Variants in CCDC196 observed in about 807,000 individuals in gnomAD.
CCDC196 encodes the protein coiled-coil domain containing 196.
intron 8 of CCDC196, chr14:66,493,646 C>T (rs1364365732): frequency 6.6e-6 from 1 of 152,150 alleles, no homozygotes; most frequent in Admixed American, 6.5e-5. Context: ...TGATTTGATT[C>T]AGGTACATAA....
At chr14:66,490,632 C>G (rs2139590126) in intron 4 of CCDC196, 110 bp from the exon 5 acceptor site, 1 of 397,206 alleles carries the variant, frequency 2.5e-6, no homozygotes, top group East Asian at 3.6e-5. Flanking sequence ...TCATGCCAGG[C>G]CCTGAGAAGC....
intron 8 of CCDC196, 62 bp from the exon 9 acceptor site, chr14:66,498,046 TA>T (rs1192954480): frequency 2.5e-6 from 1 of 400,332 alleles, no homozygotes; most frequent in Non-Finnish European, 4.5e-6. Context: ...AAAACAAAAC[TA>T]GTGGTTTTTT....
rs1310750642 is a variant in CCDC196 at position 66,486,495 on chromosome 14, C to G, written c.-8C>G. 4.9e-6 allele frequency: 2 copies of G among 411,434 alleles called. No homozygotes were observed. Among genetic ancestry groups the G allele is most frequent in the African/African-American group, 2.1e-5 (1 of 48,586 alleles). 25.5% of individuals were successfully genotyped at this position (411,434 alleles called of 1,614,324 possible). On this transcript the variant is annotated 5_prime_UTR_variant, in exon 1 of 10. Coordinates refer to ENST00000636229, the MANE Select transcript of CCDC196 (RefSeq NM_001351576.1). Reference sequence around the variant, plus strand: ...AGGCCTCTTTATTCTTAGAAGTTACCCTTCAAGATGACAAGTGGTGCAAAC... The same window carrying G: ...AGGCCTCTTTATTCTTAGAAGTTACGCTTCAAGATGACAAGTGGTGCAAAC...
intron 2 of CCDC196, among the ~76,000 whole-genome samples, chr14:66,487,030 G>A (rs896743650): frequency 1.3e-5 from 2 of 151,872 alleles, no homozygotes; most frequent in African/African-American, 4.8e-5. Context: ...CATTTCGTGG[G>A]GCTAGTTATA....
chr14:66,496,911 G>A (rs971706916), intron 8 of CCDC196: 5 of 152,440 alleles, frequency 3.3e-5, no homozygotes, highest in Admixed American at 6.5e-5. Flanking sequence ...AAAGCCCAGC[G>A]AAATGGGAAA....
chr14:66,492,388 T>A (rs1399321610), intron 8 of CCDC196, among the ~76,000 whole-genome samples, 194 bp downstream of exon 8: 3 of 150,242 alleles, frequency 2.0e-5, no homozygotes, highest in African/African-American at 7.4e-5. Flanking sequence ...CAGGCTGGAG[T>A]GCAGTGGTGC....
intron 4 of CCDC196, among the ~76,000 whole-genome samples, chr14:66,489,633 C>A (rs534749456): frequency 6.6e-6 from 1 of 152,158 alleles, no homozygotes; most frequent in African/African-American, 2.4e-5. Flanking sequence ...CCTGCCTCCT[C>A]CTGTATCTTC....
intron 4 of CCDC196, 150 bp downstream of exon 4, chr14:66,489,187 A>G (rs2057480305): frequency 2.5e-6 from 1 of 406,298 alleles, no homozygotes; most frequent in Non-Finnish European, 4.5e-6. Context: ...AGCCAAGGTG[A>G]TCTTTTTAAA....
chr14:66,493,515 C>A (rs1192174739), intron 8 of CCDC196, among the ~76,000 whole-genome samples: 3 of 152,156 alleles, frequency 2.0e-5, no homozygotes, highest in Non-Finnish European at 4.4e-5. Context: ...ATGTCTTCAA[C>A]AATATTTCAA....
At chr14:66,487,854 C>G (rs1317033703) in intron 2 of CCDC196, among the ~76,000 whole-genome samples, 1 of 152,114 alleles carries the variant, frequency 6.6e-6, no homozygotes, top group African/African-American at 2.4e-5. Context: ...CCTTCTTCTC[C>G]CAAAAGTCAC....
At chr14:66,494,778 C>A (rs1475022279) in intron 8 of CCDC196, 1 of 152,138 alleles carries the variant, frequency 6.6e-6, no homozygotes, top group Non-Finnish European at 1.5e-5. Flanking sequence ...GTAATCCCAG[C>A]ACTTTGGGAG....
Position 66,498,415 on chromosome 14 carries a change from T to C in CCDC196, c.837T>C (p.Asn279=), listed in dbSNP as rs931114983. The change falls in exon 10 of 10, where the codon AAT becomes AAC. Residue 279 remains asparagine, a synonymous_variant. Transcript: ENST00000636229. ...QQGTKGSQLD[N]TGGRLFFLRS... is the part of the protein sequence containing the mutation. Reference sequence around the variant, plus strand: ...GAACTAAAGGAAGTCAGCTTGATAATACAGGAGGGAGACTCTTTTTTCTGA... The same window carrying C: ...GAACTAAAGGAAGTCAGCTTGATAACACAGGAGGGAGACTCTTTTTTCTGA... 2.9e-5 allele frequency: 12 copies of C among 413,376 alleles called. No individual in the cohort carries two copies. The highest frequency in any genetic ancestry group is 5.3e-5 in the Non-Finnish European group (12 of 225,880). 25.6% of individuals were successfully genotyped at this position (413,376 alleles called of 1,614,324 possible).
At chr14:66,491,817 A>G (rs1379856914) in intron 7 of CCDC196, 132 bp downstream of exon 7, 1 of 411,662 alleles carries the variant, frequency 2.4e-6, no homozygotes, top group Non-Finnish European at 4.4e-6. Context: ...CAAATGTATC[A>G]TAGAAAGATA....
At chr14:66,491,557 C>T (rs2057536546) in intron 6 of CCDC196, 69 bp from the exon 7 acceptor site, 3 of 413,038 alleles carry the variant, frequency 7.3e-6, no homozygotes, top group Non-Finnish European at 8.8e-6. Flanking sequence ...AAGGCTTTTG[C>T]AGCATATTGA....
At chr14:66,490,651 G>T in intron 4 of CCDC196, 91 bp from the exon 5 acceptor site, 1 of 397,828 alleles carries the variant, frequency 2.5e-6, no homozygotes, top group Non-Finnish European at 4.4e-6. Context: ...GCTGCTGACT[G>T]GCAGGAACCA....
intron 8 of CCDC196, chr14:66,493,653 A>G (rs1288025750): frequency 1.3e-5 from 2 of 152,248 alleles, no homozygotes; most frequent in Non-Finnish European, 2.9e-5. Flanking sequence ...ATTCAGGTAC[A>G]TAAGACTCTC....
intron 8 of CCDC196, among the ~76,000 whole-genome samples, chr14:66,495,954 A>C (rs570558695): frequency 4.7e-4 from 72 of 152,320 alleles, no homozygotes; most frequent in African/African-American, 1.7e-3. Context: ...ATTTCAAAAA[A>C]CAGTCACTGC....
chr14:66,496,520 C>A lies in CCDC196; in HGVS notation c.716-1589C>A, dbSNP rs144559756. 2.0e-5 allele frequency among the ~76,000 whole-genome samples: 3 copies of A among 152,266 alleles called. 1 individual carries two copies. The East Asian group carries it at 5.8e-4, about 29-fold the overall frequency. On this transcript the variant is annotated intron_variant, in intron 8 of 9. Transcript: ENST00000636229. ...GATGAAGTCTTTACTTTTGATCTTTCCGGAGACAGGTGACATTTGAAAGGA... is the reference window on the plus strand; with the variant it reads ...GATGAAGTCTTTACTTTTGATCTTTACGGAGACAGGTGACATTTGAAAGGA...
chr14:66,491,724 T>G (rs1178137717), intron 7 of CCDC196, 39 bp downstream of exon 7: 1 of 413,424 alleles, frequency 2.4e-6, no homozygotes, highest in African/African-American at 2.1e-5. Context: ...GGATGCAATT[T>G]CATTCATATA....
Sources: gnomAD v4.1 joint callset for allele counts (sites outside exome capture counted in the v4.1 genomes callset) on GRCh38, gnomAD v4.1.1 for gene constraint, MANE v1.5 for transcripts, NCBI Gene and HGNC (gene_info 2026-07-23, HGNC 2026-07-21) for gene names.